HS6ST2: variants seen among roughly 807,000 people sequenced by gnomAD.
HS6ST2 encodes heparan-sulfate 6-O-sulfotransferase 2.
In HS6ST2, 17 loss-of-function variants were observed where a neutral mutation model predicts 33.0. The observed-to-expected ratio is 0.52, with a 90% CI of 0.35 to 0.77. The LOEUF is 0.77. HS6ST2 is among the 30% of genes least tolerant of loss of function. The pLI is 0.01. For synonymous variants in HS6ST2, 248 were observed against 237.1 expected (o/e 1.05, Z -0.42); for missense variants, 519 against 551.7 (o/e 0.94, Z 0.59).
intron 3 of HS6ST2, among the ~76,000 whole-genome samples, chrX:132,687,727 G>GCC (rs1413104705): frequency 1.8e-5 from 2 of 110,009 alleles, no homozygotes; most frequent in Non-Finnish European, 3.8e-5. Context: ...TCTATAACCA[G>GCC]CCCAAACAGA....
intron 2 of HS6ST2, among the ~76,000 whole-genome samples, chrX:132,908,991 GAAAAAAAAAAAA>G (rs397975321): frequency 4.9e-5 from 2 of 40,841 alleles, no homozygotes; most frequent in South Asian, 2.8e-3. Flanking sequence ...GAACTCCACT[GAAAAAAAAAAAA>G]AAAAAAAAAA....
chrX:132,715,622 G>C (rs141203373), intron 2 of HS6ST2, among the ~76,000 whole-genome samples: 3,651 of 111,416 alleles, frequency 0.033, 91 homozygotes, highest in African/African-American at 0.086. Context: ...AAGTCCATTT[G>C]TCCCTTTACT....
intron 2 of HS6ST2, among the ~76,000 whole-genome samples, chrX:132,761,090 T>C (rs1359279888): frequency 9.0e-6 from 1 of 111,343 alleles, no homozygotes; most frequent in African/African-American, 3.3e-5. Flanking sequence ...GAATAAATGG[T>C]GGAAAAAGAC....
intron 2 of HS6ST2, among the ~76,000 whole-genome samples, chrX:132,713,101 A>G (rs921905001): frequency 9.0e-6 from 1 of 111,188 alleles, no homozygotes; most frequent in Non-Finnish European, 1.9e-5. Context: ...GGTGATGATC[A>G]CCATCTTTAA....
chrX:132,937,707 G>C, intron 2 of HS6ST2, among the ~76,000 whole-genome samples: 1 of 111,371 alleles, frequency 9.0e-6, no homozygotes, highest in South Asian at 3.8e-4. Context: ...CAAGATTAAA[G>C]ACTTAAACCT....
intron 4 of HS6ST2, among the ~76,000 whole-genome samples, chrX:132,659,741 T>C (rs1015237680): frequency 1.8e-5 from 2 of 111,814 alleles, no homozygotes; most frequent in African/African-American, 6.5e-5. Flanking sequence ...TCACCTACTA[T>C]GTGACTTTGG....
At chrX:132,670,739 G>A (rs1174388010) in intron 3 of HS6ST2, among the ~76,000 whole-genome samples, 3 of 112,738 alleles carry the variant, frequency 2.7e-5, no homozygotes, top group Non-Finnish European at 5.6e-5. Context: ...CTTGAACCCG[G>A]GAGGTGGAGG....
intron 3 of HS6ST2, among the ~76,000 whole-genome samples, chrX:132,673,321 G>C (rs2063898431): frequency 8.9e-6 from 1 of 112,387 alleles, no homozygotes; most frequent in Admixed American, 9.4e-5. Context: ...TCATGATTGA[G>C]TATTAATGTC....
chrX:132,901,888 A>G (rs1377222656), intron 2 of HS6ST2, among the ~76,000 whole-genome samples: 1 of 111,233 alleles, frequency 9.0e-6, no homozygotes, highest in African/African-American at 3.3e-5. Flanking sequence ...CAGAGACTTT[A>G]CAGGAGACCC....
intron 2 of HS6ST2, among the ~76,000 whole-genome samples, chrX:132,742,654 T>C (rs1021352540): frequency 8.9e-6 from 1 of 112,649 alleles, no homozygotes; most frequent in Non-Finnish European, 1.9e-5. Context: ...TTTGTGTGTT[T>C]CTGCCCATTC....
intron 2 of HS6ST2, among the ~76,000 whole-genome samples, chrX:132,920,085 A>G (rs2066636308): frequency 9.0e-6 from 1 of 111,658 alleles, no homozygotes; most frequent in Non-Finnish European, 1.9e-5. Flanking sequence ...AGTGGGAGGT[A>G]GACGGTGGGG....
intron 2 of HS6ST2, among the ~76,000 whole-genome samples, chrX:132,887,995 A>G (rs2066268799): frequency 1.8e-5 from 2 of 112,102 alleles, no homozygotes; most frequent in Admixed American, 1.9e-4. Flanking sequence ...AGAGGTCAAG[A>G]GTGAAAATGG....
chrX:132,854,571 A>T (rs1449554218), intron 2 of HS6ST2, among the ~76,000 whole-genome samples: 3 of 112,773 alleles, frequency 2.7e-5, no homozygotes, highest in Non-Finnish European at 5.6e-5. Context: ...AGACACTTGA[A>T]TCTGGAAGTT....
chrX:132,887,651 C>A (rs775986426), intron 2 of HS6ST2, among the ~76,000 whole-genome samples: 1 of 111,997 alleles, frequency 8.9e-6, no homozygotes, highest in Non-Finnish European at 1.9e-5. Context: ...CTCCTAGGTA[C>A]AGATCTAAGA....
intron 2 of HS6ST2, among the ~76,000 whole-genome samples, chrX:132,903,816 A>G (rs1346251468): frequency 8.9e-6 from 1 of 112,626 alleles, no homozygotes; most frequent in African/African-American, 3.2e-5. Context: ...AGATAAACTC[A>G]AAAAAGTAGT....
intron 4 of HS6ST2, among the ~76,000 whole-genome samples, chrX:132,664,020 C>CT (rs1212862333): frequency 8.1e-5 from 9 of 111,544 alleles, no homozygotes; most frequent in Non-Finnish European, 1.3e-4. Flanking sequence ...TTTTTCTTTT[C>CT]TTTTTTTTGA....
intron 2 of HS6ST2, among the ~76,000 whole-genome samples, chrX:132,803,519 G>A (rs780117269): frequency 4.5e-5 from 5 of 111,588 alleles, no homozygotes; most frequent in Admixed American, 2.9e-4. Context: ...AGCGATTCTC[G>A]TGCCTTAGCC....
At chrX:132,808,338 A>C (rs1391169678) in intron 2 of HS6ST2, among the ~76,000 whole-genome samples, 4 of 111,982 alleles carry the variant, frequency 3.6e-5, no homozygotes, top group Non-Finnish European at 7.5e-5. Context: ...ATGTGCCTGT[A>C]ATATAAATGA....
rs769562548 is a variant in HS6ST2 at position 132,719,008 on chromosome X, G to C, written c.948-10514C>G. ...AATGTCCAAGCCAAGTTAACCAAGG[G>C]GGGGAAGAAACTGGAAGAAGCTAGA... On this transcript the variant is annotated intron_variant, in intron 2 of 4. Transcript: ENST00000370833. Among the ~76,000 whole-genome samples the C allele has an allele frequency of 2.7e-5, 3 of 111,581 alleles. No individual in the cohort carries two copies. In the South Asian group the frequency reaches 1.1e-3, roughly 43 times the overall value.
Sources: gnomAD v4.1 joint callset for allele counts (sites outside exome capture counted in the v4.1 genomes callset) on GRCh38, gnomAD v4.1.1 for gene constraint, MANE v1.5 for transcripts, NCBI Gene and HGNC (gene_info 2026-07-23, HGNC 2026-07-21) for gene names.